Variants in GFI1B observed in about 807,000 individuals in gnomAD.
GFI1B encodes the protein zinc finger protein Gfi-1b.
Under a neutral mutation model 35.3 loss-of-function variants are expected in GFI1B, and 20 were observed. The ratio of observed to expected loss-of-function variants is 0.57; its 90% CI spans 0.40 to 0.82. GFI1B has a LOEUF of 0.82. Among genes scored for constraint, GFI1B ranks in the 40% least tolerant of loss-of-function variants. The pLI, the probability that GFI1B is intolerant of heterozygous loss-of-function variation, is 0.00. For missense variants in GFI1B, 430 were observed against 446.3 expected (o/e 0.96, Z 0.33); for synonymous variants, 178 against 177.6 (o/e 1.00, Z -0.02).
At chr9:132,967,483 C>T (rs1441167295) in intron 1 of GFI1B, among the ~76,000 whole-genome samples, 7 of 152,130 alleles carry the variant, frequency 4.6e-5, no homozygotes, top group African/African-American at 1.4e-4. Context: ...AAGCTAAAGA[C>T]ATAATACACT....
At chr9:132,987,176 CTG>C in intron 2 of GFI1B, 104 bp from the exon 3 acceptor site, 4 of 1,238,210 alleles carry the variant, frequency 3.2e-6, no homozygotes, top group Non-Finnish European at 3.5e-6. Flanking sequence ...CGGCACGTGG[CTG>C]TCTCTCTGGG....
intron 4 of GFI1B, among the ~76,000 whole-genome samples, chr9:132,988,803 A>T (rs2073819): frequency 1.3e-5 from 2 of 151,910 alleles, no homozygotes; most frequent in Admixed American, 6.5e-5. Flanking sequence ...TGGGCTATTC[A>T]GCCTCTAGAT....
In GFI1B at chr9:132,986,797, T is replaced by C; in HGVS notation, c.100+19T>C. On this transcript the variant is annotated intron_variant, in intron 2 of 6. Transcript: ENST00000372122. The stretch of plus-strand genomic sequence containing the variant: ...ACCCCGGGTGAGTCAGAGCCCGGGC[T>C]GGCGCCTGCTGCACCCACGGGGGGC... 1 of 1,505,010 alleles carries C rather than the reference T, an allele frequency of 6.6e-7. No homozygotes were observed. Among genetic ancestry groups the C allele is most frequent in the Non-Finnish European group, 9.2e-7 (1 of 1,089,476 alleles). 93.2% of individuals were successfully genotyped at this position (1,505,010 alleles called of 1,614,324 possible).
At chr9:132,963,003 A>G (rs1293478834) in intron 1 of GFI1B, among the ~76,000 whole-genome samples, 1 of 142,468 alleles carries the variant, frequency 7.0e-6, no homozygotes, top group Non-Finnish European at 1.5e-5. Flanking sequence ...AATCTCTTAA[A>G]CCCAGGAGAC....
At chr9:132,982,823 AG>A (rs1848875844) in intron 1 of GFI1B, among the ~76,000 whole-genome samples, 1 of 152,090 alleles carries the variant, frequency 6.6e-6, no homozygotes, top group Admixed American at 6.5e-5. Flanking sequence ...TGCCAAGCTC[AG>A]GGGAGAGAAC....
At chr9:132,985,220 T>A (rs1269209928) in intron 1 of GFI1B, among the ~76,000 whole-genome samples, 1 of 152,074 alleles carries the variant, frequency 6.6e-6, no homozygotes, top group Non-Finnish European at 1.5e-5. Context: ...ATGTGAACCA[T>A]TCTGGGGGCC....
At chr9:132,962,427 C>T in intron 1 of GFI1B, 1 of 337,750 alleles carries the variant, frequency 3.0e-6, no homozygotes, top group Non-Finnish European at 5.9e-6. Flanking sequence ...TGTGAGCCTC[C>T]TCTCCTGGCC....
intron 1 of GFI1B, among the ~76,000 whole-genome samples, chr9:132,969,204 T>G (rs1309018050): frequency 6.6e-6 from 1 of 152,072 alleles, no homozygotes; most frequent in East Asian, 1.9e-4. Flanking sequence ...AATTTTTTTG[T>G]ATTTTTAGTA....
chr9:132,949,470 T>C (rs1848169592), intron 1 of GFI1B, among the ~76,000 whole-genome samples: 1 of 152,046 alleles, frequency 6.6e-6, no homozygotes, highest in African/African-American at 2.4e-5. Flanking sequence ...CTGAGATACA[T>C]GGTGTTGGTG....
chr9:132,969,616 G>A (rs188270676), intron 1 of GFI1B, among the ~76,000 whole-genome samples: 2 of 152,238 alleles, frequency 1.3e-5, no homozygotes, highest in East Asian at 1.9e-4. Flanking sequence ...AGATCTTTCC[G>A]CGTGCCTTTC....
intron 1 of GFI1B, among the ~76,000 whole-genome samples, chr9:132,979,572 T>A (rs1848746584): frequency 6.6e-6 from 1 of 152,022 alleles, no homozygotes; most frequent in Non-Finnish European, 1.5e-5. Context: ...TCAGGCGCTC[T>A]CCCCTCCAGA....
At chr9:132,965,064 T>G (rs1848429843) in intron 1 of GFI1B, among the ~76,000 whole-genome samples, 2 of 152,194 alleles carry the variant, frequency 1.3e-5, no homozygotes, top group South Asian at 4.1e-4. Context: ...TATACCTGAA[T>G]AAACATTATT....
intron 2 of GFI1B, 76 bp from the exon 3 acceptor site, chr9:132,987,205 AG>A: frequency 6.8e-7 from 1 of 1,467,934 alleles, no homozygotes. Flanking sequence ...CCTCCTAGGA[AG>A]GGCGTGCCCT....
chr9:132,993,399 A>G (rs540151298), downstream of GFI1B, among the ~76,000 whole-genome samples: 6 of 152,134 alleles, frequency 3.9e-5, no homozygotes, highest in Non-Finnish European at 8.8e-5. Flanking sequence ...ACCCCCAGGG[A>G]GACAGGGATG....
chr9:132,977,920 C>G (rs980191380), upstream of GFI1B, among the ~76,000 whole-genome samples: 1 of 152,224 alleles, frequency 6.6e-6, no homozygotes. Flanking sequence ...AACTCACTGC[C>G]ACACCTCCAG....
chr9:132,992,819 C>G (rs1849325467), downstream of GFI1B, among the ~76,000 whole-genome samples: 1 of 152,176 alleles, frequency 6.6e-6, no homozygotes, highest in Non-Finnish European at 1.5e-5. Context: ...ACCCCACCCC[C>G]CATCCCACAC....
chr9:132,988,495 C>A (rs763917834), intron 4 of GFI1B, 27 bp downstream of exon 4: 7 of 1,605,676 alleles, frequency 4.4e-6, no homozygotes, highest in Admixed American at 1.7e-5. Flanking sequence ...GTGGTGGGCA[C>A]CTGGGCCCTC....
chr9:132,973,872 G>A (rs188418980), upstream of GFI1B, among the ~76,000 whole-genome samples: 49 of 152,296 alleles, frequency 3.2e-4, no homozygotes, highest in African/African-American at 1.0e-3. Flanking sequence ...TGGTTTTGGC[G>A]GGAAAGTCTG....
chr9:132,950,067 G>A (rs1207135131), intron 1 of GFI1B, among the ~76,000 whole-genome samples: 2 of 152,106 alleles, frequency 1.3e-5, no homozygotes, highest in South Asian at 2.1e-4. Context: ...AGCCATGATC[G>A]TGCCACTGCA....
Sources: allele counts gnomAD v4.1 joint callset (sites outside exome capture counted in the v4.1 genomes callset), GRCh38; gene constraint gnomAD v4.1.1; transcripts MANE v1.5; gene names NCBI Gene and HGNC (gene_info 2026-07-23, HGNC 2026-07-21).